The following TRA2B variants were observed in gnomAD, a reference collection of about 807,000 sequenced individuals.
The protein encoded by TRA2B is transformer 2 beta homolog, also known as transformer-2 protein homolog beta.
A neutral mutation model predicts 41.7 loss-of-function variants in TRA2B; 14 were observed. The ratio of observed to expected loss-of-function variants is 0.34; its 90% CI spans 0.22 to 0.53. The LOEUF is 0.53. Among genes scored for constraint, TRA2B ranks in the 20% least tolerant of loss-of-function variants. TRA2B has a pLI of 0.95. For missense variants in TRA2B, 167 were observed against 396.8 expected (o/e 0.42, Z 4.92); for synonymous variants, 130 against 128.8 (o/e 1.01, Z -0.06).
intron 1 of TRA2B, 57 bp downstream of exon 1, chr3:185,937,768 G>A: frequency 1.2e-6 from 2 of 1,612,472 alleles, no homozygotes; most frequent in Admixed American, 1.7e-5. Context: ...GACGGGCCTA[G>A]AAAAAGATGC....
intron 1 of TRA2B, chr3:185,928,528 G>C (rs1020043160): frequency 1.3e-5 from 2 of 152,166 alleles, no homozygotes; most frequent in African/African-American, 2.4e-5. Flanking sequence ...CAAGTATTCT[G>C]AACGGACACT....
At chr3:185,931,070 AAC>A (rs1289958708) in intron 1 of TRA2B, among the ~76,000 whole-genome samples, 5 of 152,360 alleles carry the variant, frequency 3.3e-5, no homozygotes, top group East Asian at 1.9e-4. Flanking sequence ...GGAAAAAACT[AAC>A]ACACTAATGC....
intron 1 of TRA2B, among the ~76,000 whole-genome samples, chr3:185,929,672 C>G (rs1487117552): frequency 9.2e-5 from 14 of 152,150 alleles, no homozygotes; most frequent in Non-Finnish European, 2.1e-4. Flanking sequence ...ACAGCAACCA[C>G]CTTACAAAAA....
At chr3:185,937,392 G>A (rs925094993) in intron 1 of TRA2B, 9 of 1,003,670 alleles carry the variant, frequency 9.0e-6, no homozygotes, top group African/African-American at 5.2e-5. Flanking sequence ...GCCCGCTGCG[G>A]GTCGGGTCCG....
intron 1 of TRA2B, chr3:185,931,942 T>G: frequency 1.0e-6 from 1 of 974,664 alleles, no homozygotes; most frequent in East Asian, 3.2e-5. Context: ...AAAAATCCCT[T>G]TGTTGATTTG....
Position 185,937,816 on chromosome 3 carries a change from T to C in TRA2B, c.36+9A>G. 1 of 1,614,026 alleles carries C rather than the reference T, an allele frequency of 6.2e-7. No individual in the cohort carries two copies. The highest frequency in any genetic ancestry group is 1.1e-5 in the South Asian group (1 of 91,080). ...CCACACAGCCACCCCCTACCGCAGC[T>C]CTACGTACCCGCTCGCCGTAGTTCT... is the stretch of plus-strand genomic sequence containing the variant. On this transcript the variant is annotated intron_variant, in intron 1 of 8. Transcript: ENST00000453386.
At chr3:185,919,078 CTT>C (rs1249908466) in intron 7 of TRA2B, among the ~76,000 whole-genome samples, 2 of 152,172 alleles carry the variant, frequency 1.3e-5, no homozygotes, top group Non-Finnish European at 2.9e-5. Flanking sequence ...CAGGATTTAG[CTT>C]TGTGTTAAAA....
intron 3 of TRA2B, 125 bp downstream of exon 3, chr3:185,925,339 A>G: frequency 6.1e-6 from 7 of 1,147,130 alleles, no homozygotes; most frequent in Non-Finnish European, 8.4e-6. Flanking sequence ...TCAAAACACT[A>G]AAAAAGCCTC....
In TRA2B at chr3:185,914,629, T is replaced by C. The variant is rs1266359427; in HGVS notation, c.*3086A>G. On this transcript the variant is annotated 3_prime_UTR_variant, in exon 9 of 9. Coordinates refer to ENST00000453386, the MANE Select transcript of TRA2B (RefSeq NM_004593.3). ...TAATAATCCTTTACACTATATACAATAATCCTTTACATTACTGTAGTAGCA... is the reference window on the plus strand; with the variant it reads ...TAATAATCCTTTACACTATATACAACAATCCTTTACATTACTGTAGTAGCA... 6.6e-6 allele frequency among the ~76,000 whole-genome samples: 1 copy of C among 152,120 alleles called. No homozygotes were observed. The highest frequency in any genetic ancestry group is 1.5e-5 in the Non-Finnish European group (1 of 68,024).
In TRA2B at chr3:185,917,704, G is replaced by A. The variant is rs781778452; in HGVS notation, c.*11C>T. ...CCAGCTCTAGGGCAGGTTTCAGAAA[G>A]TCTTCATGCTTTAATAGCGACCTGG... On this transcript the variant is annotated 3_prime_UTR_variant, in exon 9 of 9. Coordinates refer to ENST00000453386, the MANE Select transcript of TRA2B (RefSeq NM_004593.3). The A allele has an allele frequency of 6.2e-7, 1 of 1,613,178 alleles. No homozygotes were observed. The highest frequency in any genetic ancestry group is 8.5e-7 in the Non-Finnish European group (1 of 1,179,450).
At chr3:185,923,768 G>A (rs1379380282) in intron 4 of TRA2B, 28 bp downstream of exon 4, 1 of 1,582,728 alleles carries the variant, frequency 6.3e-7, no homozygotes, top group Admixed American at 1.8e-5. Context: ...AGAACTGATG[G>A]TTTACAAAGG....
At position 185,937,888 on chromosome 3, in the gene TRA2B, G is replaced by A; in HGVS notation, c.-28C>T. 5 of 1,613,644 alleles carry A rather than the reference G, an allele frequency of 3.1e-6. No homozygotes were observed. The highest frequency in any genetic ancestry group is 3.4e-6 in the Non-Finnish European group (4 of 1,180,008). On this transcript the variant is annotated 5_prime_UTR_variant, in exon 1 of 9. Transcript: ENST00000453386. ...CTCCTGGCTGCTGTCGCCGGTCGAT[G>A]TGCTTCAATCGAAGCTGCCAACCTC...
chr3:185,930,216 C>T (rs1744097616), intron 1 of TRA2B, among the ~76,000 whole-genome samples: 1 of 152,114 alleles, frequency 6.6e-6, no homozygotes, highest in Non-Finnish European at 1.5e-5. Flanking sequence ...CCCCAAGGAC[C>T]TGTCAGGTTT....
At position 185,917,710 on chromosome 3, in the gene TRA2B, A is replaced by G. The variant is rs200781116; in HGVS notation, c.*5T>C. The G allele has an allele frequency of 4.2e-5, 68 of 1,613,518 alleles. No homozygotes were observed. In the African/African-American group the frequency reaches 8.9e-4, roughly 21 times the overall value. On this transcript the variant is annotated 3_prime_UTR_variant, in exon 9 of 9. Coordinates refer to ENST00000453386, the MANE Select transcript of TRA2B (RefSeq NM_004593.3). ...CTAGGGCAGGTTTCAGAAAGTCTTC[A>G]TGCTTTAATAGCGACCTGGGAAGAA...
intron 1 of TRA2B, chr3:185,936,030 T>C: frequency 2.0e-6 from 2 of 985,448 alleles, no homozygotes; most frequent in Non-Finnish European, 2.4e-6. Context: ...GAGCCGAGTC[T>C]CAAACTGGAA....
intron 1 of TRA2B, chr3:185,928,538 T>C (rs1358323991): frequency 6.6e-6 from 1 of 152,192 alleles, no homozygotes; most frequent in African/African-American, 2.4e-5. Context: ...GAACGGACAC[T>C]TCCCTTCTCT....
chr3:185,920,772 G>A (rs1654435476), intron 6 of TRA2B, among the ~76,000 whole-genome samples: 1 of 152,060 alleles, frequency 6.6e-6, no homozygotes, highest in African/African-American at 2.4e-5. Context: ...CAGGTGATCT[G>A]CCTGCCTTGG....
At chr3:185,935,815 A>T in intron 1 of TRA2B, 2 of 985,422 alleles carry the variant, frequency 2.0e-6, no homozygotes, top group Non-Finnish European at 2.4e-6. Flanking sequence ...ACAAACACGC[A>T]AACACCAAAC....
chr3:185,924,097 A>G, intron 3 of TRA2B, 113 bp from the exon 4 acceptor site: 1 of 896,518 alleles, frequency 1.1e-6, no homozygotes, highest in Non-Finnish European at 1.6e-6. Flanking sequence ...GTACATAATG[A>G]TTAGACCAAA....
Sources: gnomAD v4.1 joint callset for allele counts (sites outside exome capture counted in the v4.1 genomes callset) on GRCh38, gnomAD v4.1.1 for gene constraint, MANE v1.5 for transcripts, NCBI Gene and HGNC (gene_info 2026-07-23, HGNC 2026-07-21) for gene names.